DCST1: variants seen among roughly 807,000 people sequenced by gnomAD.
DCST1 encodes the protein DC-STAMP domain containing 1.
Under a neutral mutation model 89.1 loss-of-function variants are expected in DCST1, and 78 were observed. The ratio of observed to expected loss-of-function variants is 0.88; its 90% CI spans 0.73 to 1.06. The LOEUF (loss-of-function observed/expected upper bound fraction) is 1.06. Among genes scored for constraint, DCST1 ranks in the 50% least tolerant of loss-of-function variants. The pLI, the probability that DCST1 is intolerant of heterozygous loss-of-function variation, is 0.00. For missense variants in DCST1, 900 were observed against 928.6 expected, an observed-to-expected ratio of 0.97 and a Z score of 0.40; for synonymous variants, 364 against 371.9, an observed-to-expected ratio of 0.98 and a Z score of 0.24.
chr1:155,048,354 C>T (rs149442368), intron 16 of DCST1, among the ~76,000 whole-genome samples, 184 bp downstream of exon 16: 3 of 152,284 alleles, frequency 2.0e-5, no homozygotes, highest in Non-Finnish European at 4.4e-5. Flanking sequence ...TGCAGTGGCA[C>T]GATCTCGGCT....
intron 5 of DCST1, among the ~76,000 whole-genome samples, chr1:155,039,990 CAAAAAAAAAAAAAAAAA>C (rs55764638): frequency 1.5e-4 from 2 of 13,386 alleles, no homozygotes; most frequent in African/African-American, 8.0e-4. Context: ...GACTCCGTCT[CAAAAAAAAAAAAAAAAA>C]AAAAAAAAAA....
rs781136167 is a variant in DCST1 at position 155,037,438 on chromosome 1, CTTTTTTTTTTT to C, written c.263-1952_263-1942del. On this transcript the variant is annotated intron_variant, in intron 4 of 16. Coordinates refer to ENST00000295542, the MANE Select transcript of DCST1 (RefSeq NM_152494.4). ...CTTCCAGGAAATCCACATTGTTGGT[CTTTTTTTTTTT>C]TTTTTTTTTTTTAAGACAGAGTCTT... is the stretch of plus-strand genomic sequence containing the variant. 4.8e-5 allele frequency among the ~76,000 whole-genome samples: 6 copies of C among 125,816 alleles called. No homozygotes were observed. In the East Asian group the frequency reaches 9.3e-4, roughly 19 times the overall value. 82.5% of individuals were successfully genotyped at this position (125,816 alleles called of 152,430 possible).
At chr1:155,041,210 G>A (rs563130160) in intron 6 of DCST1, among the ~76,000 whole-genome samples, 187 bp from the exon 7 acceptor site, 6 of 152,188 alleles carry the variant, frequency 3.9e-5, no homozygotes, top group South Asian at 2.1e-4. Flanking sequence ...GGCAGCTGGT[G>A]GGGGGGCTCC....
chr1:155,046,687 C>A lies in DCST1; in HGVS notation c.1495+201C>A, dbSNP rs1442576468. On this transcript the variant is annotated intron_variant, in intron 13 of 16. Coordinates refer to ENST00000295542, the MANE Select transcript of DCST1 (RefSeq NM_152494.4). ...TTGGCACAATCTCAGCTCACTGCAA[C>A]CTCCACCTCCCAGGTTCAAGCAGTT... Among the ~76,000 whole-genome samples, 13 of 147,406 alleles carry A rather than the reference C, an allele frequency of 8.8e-5. No individual in the cohort carries two copies. In the East Asian group the frequency reaches 2.6e-3, roughly 29 times the overall value.
intron 10 of DCST1, 130 bp from the exon 11 acceptor site, chr1:155,045,763 C>CAGG: frequency 4.0e-6 from 3 of 746,582 alleles, no homozygotes; most frequent in Non-Finnish European, 7.1e-6. Context: ...TAGCAGTGCC[C>CAGG]AGGACATAGA....
chr1:155,033,943 G>A, intron 1 of DCST1, 29 bp from the exon 2 acceptor site: 8 of 1,515,420 alleles, frequency 5.3e-6, no homozygotes, highest in South Asian at 2.3e-5. Flanking sequence ...AAGCGGAAGA[G>A]ACAGGCAGCA....
At chr1:155,048,948 G>T in intron 16 of DCST1, 1 of 704,594 alleles carries the variant, frequency 1.4e-6, no homozygotes. Context: ...TGAGGAAGCA[G>T]ACTCCAGTCC....
chr1:155,042,559 G>A (rs1252026604), intron 8 of DCST1, among the ~76,000 whole-genome samples, 176 bp from the exon 9 acceptor site: 3 of 152,214 alleles, frequency 2.0e-5, no homozygotes, highest in African/African-American at 4.8e-5. Context: ...TCTGGTTCCT[G>A]GAGGGCAGGA....
chr1:155,045,855 TG>T, intron 10 of DCST1, 37 bp from the exon 11 acceptor site: 2 of 1,565,032 alleles, frequency 1.3e-6, no homozygotes, highest in South Asian at 1.1e-5. Context: ...GAGGAGAACC[TG>T]GAAGAGATGG....
At position 155,043,364 on chromosome 1, in the gene DCST1, G is replaced by A. The variant is rs761598464; in HGVS notation, c.1027G>A (p.Ala343Thr). The change falls in exon 10 of 17, where the codon GCT (alanine) becomes ACT (threonine). Residue 343 changes from alanine (A) to threonine (T), a missense_variant. Coordinates refer to ENST00000295542, the MANE Select transcript of DCST1 (RefSeq NM_152494.4). ...TGCCCTCCACCAGGAAGAGAAGCAG[G>A]CTGGGGTGCTGGGGCTCAACACAAG... is the stretch of plus-strand genomic sequence containing the variant. ...ANIDFKEEKQ[A>T]GVLGLNTSWE... 1.6e-5 allele frequency: 26 copies of A among 1,614,052 alleles called. No homozygotes were observed. The East Asian group carries it at 5.6e-4, about 35-fold the overall frequency.
chr1:155,041,371 T>C, intron 6 of DCST1, 26 bp from the exon 7 acceptor site: 1 of 1,612,378 alleles, frequency 6.2e-7, no homozygotes, highest in East Asian at 2.2e-5. Context: ...GCCCTCACCC[T>C]TTCCTCCCTC....
In DCST1 at chr1:155,043,514, G is replaced by A. The variant is rs1660504131; in HGVS notation, c.1172+5G>A. ...TTTCCTGCTGGTCCTGCATGCGTGA[G>A]CCATAGTCCCCACCCCAGCAGCCCC... On this transcript the variant is annotated splice_donor_5th_base_variant and intron_variant, in intron 10 of 16. Coordinates refer to ENST00000295542, the MANE Select transcript of DCST1 (RefSeq NM_152494.4). 6.4e-7 allele frequency: 1 copy of A among 1,572,936 alleles called. No individual in the cohort carries two copies. Among genetic ancestry groups the A allele is most frequent in the African/African-American group, 1.3e-5 (1 of 74,408 alleles).
intron 16 of DCST1, among the ~76,000 whole-genome samples, chr1:155,050,156 T>G (rs1660849742): frequency 6.6e-6 from 1 of 152,088 alleles, no homozygotes; most frequent in Non-Finnish European, 1.5e-5. Flanking sequence ...TGTAGAGACA[T>G]GTCGTGAGGG....
rs993979387 is a variant in DCST1, at chr1:155,045,790, C to T, written c.1173-103C>T. 8.5e-6 allele frequency: 8 copies of T among 936,558 alleles called. No individual in the cohort carries two copies. The Admixed American group carries it at 1.1e-4, about 13-fold the overall frequency. The allele number at this position is 936,558 out of a possible 1,614,324, so 58.0% of individuals were successfully genotyped here. On this transcript the variant is annotated intron_variant, in intron 10 of 16. Transcript: ENST00000295542. Reference sequence around the variant, plus strand: ...GGACATAGATGGTGCTCAATGAATGCTGGCTGGTTGGTTGAATGACTGTGC... The same window carrying T: ...GGACATAGATGGTGCTCAATGAATGTTGGCTGGTTGGTTGAATGACTGTGC...
intron 14 of DCST1, 102 bp from the exon 15 acceptor site, chr1:155,047,685 G>A (rs1571570867): frequency 9.7e-7 from 1 of 1,033,898 alleles, no homozygotes; most frequent in African/African-American, 1.6e-5. Flanking sequence ...GAGAGCAGGG[G>A]AATCAGAGGA....
At chr1:155,039,366 T>C (rs774938231) in intron 4 of DCST1, 37 bp from the exon 5 acceptor site, 4 of 1,479,426 alleles carry the variant, frequency 2.7e-6, no homozygotes, top group African/African-American at 1.4e-5. Context: ...GGCAGCTTCC[T>C]CACTTCAGCT....
At chr1:155,037,694 C>T (rs990909069) in intron 4 of DCST1, among the ~76,000 whole-genome samples, 7 of 152,186 alleles carry the variant, frequency 4.6e-5, no homozygotes, top group Non-Finnish European at 1.0e-4. Flanking sequence ...GCCTTGGCCT[C>T]CCAAAGTGCT....
intron 16 of DCST1, 95 bp downstream of exon 16, chr1:155,048,265 A>G (rs962919396): frequency 1.9e-5 from 18 of 950,072 alleles, no homozygotes; most frequent in Middle Eastern, 2.1e-4. Context: ...GCACCCACCA[A>G]TGGTCGCAGG....
chr1:155,035,835 C>A (rs983310444), intron 4 of DCST1, among the ~76,000 whole-genome samples: 3 of 151,968 alleles, frequency 2.0e-5, no homozygotes, highest in Admixed American at 1.3e-4. Flanking sequence ...GAGGCTGAGG[C>A]AGGAGGCTTG....
Sources: allele counts gnomAD v4.1 joint callset (sites outside exome capture counted in the v4.1 genomes callset), GRCh38; gene constraint gnomAD v4.1.1; transcripts MANE v1.5; gene names NCBI Gene and HGNC (gene_info 2026-07-23, HGNC 2026-07-21).